Variants in GPATCH3 observed in about 807,000 individuals in gnomAD.
The protein encoded by GPATCH3 is G patch domain-containing protein 3.
Under a neutral mutation model 53.2 loss-of-function variants are expected in GPATCH3, and 45 were observed. That is an observed-to-expected ratio of 0.85 (90% CI 0.67 to 1.08). The LOEUF is 1.08. Ranked by LOEUF, GPATCH3 falls within the 50% of genes least tolerant of loss-of-function variation. The pLI is 0.00. For synonymous variants in GPATCH3, 280 were observed against 270.6 expected, an observed-to-expected ratio of 1.03 and a Z score of -0.34; for missense variants, 680 against 687.2, an observed-to-expected ratio of 0.99 and a Z score of 0.12.
Position 26,894,285 on chromosome 1 carries a change from A to G in GPATCH3, c.1002T>C (p.Ser334=). Residue 334 remains serine, a synonymous_variant, in exon 3 of 7, where the codon TCT becomes TCC. Transcript: ENST00000361720. The stretch of plus-strand genomic sequence containing the variant: ...GGGCATCAGTATAAAACACCAGGCC[A>G]GAGCCACCCTTCTCCCACTTGAGCT... ...EIELKWEKGG[S]GLVFYTDAQF... The G allele has an allele frequency of 6.2e-7, 1 of 1,614,138 alleles. No individual in the cohort carries two copies. The highest frequency in any genetic ancestry group is 1.1e-5 in the South Asian group (1 of 91,084).
chr1:26,894,168 G>T, intron 3 of GPATCH3, 68 bp downstream of exon 3: 1 of 1,508,658 alleles, frequency 6.6e-7, no homozygotes, highest in Non-Finnish European at 9.1e-7. Flanking sequence ...AATCTACCGT[G>T]TGGAACAGGG....
In GPATCH3 at chr1:26,892,411, C is replaced by T; in HGVS notation, c.1361G>A (p.Gly454Glu). The T allele has an allele frequency of 1.9e-6, 3 of 1,612,064 alleles. No individual in the cohort carries two copies. The highest frequency in any genetic ancestry group is 2.5e-6 in the Non-Finnish European group (3 of 1,179,048). ...AGGGAAGTCCCTCAGTCACACTTAC[C>T]CCAATCCACGCTTGCATCTGGGGTG... ...GQHPRCKRGL[G>E]YHGEKLQPFG... Residue 454 changes from glycine (G) to glutamate (E), a missense_variant and splice_region_variant, in exon 6 of 7, where the codon GGG becomes GAG. Physicochemically the swap from Gly to Glu is moderately conservative, Grantham distance 98. Transcript: ENST00000361720.
At chr1:26,893,353 G>A (rs2081936738) in intron 4 of GPATCH3, 36 bp downstream of exon 4, 1 of 1,540,578 alleles carries the variant, frequency 6.5e-7, no homozygotes. Flanking sequence ...CAGGGCACCT[G>A]TTTCACCTCC....
intron 4 of GPATCH3, 108 bp downstream of exon 4, chr1:26,893,281 G>T: frequency 1.1e-6 from 1 of 891,688 alleles, no homozygotes; most frequent in South Asian, 1.3e-5. Context: ...GCTACCCCAA[G>T]GGAACGGGAA....
At position 26,893,378 on chromosome 1, in the gene GPATCH3, T is replaced by A. The variant is rs2081936859; in HGVS notation, c.1111+11A>T. Reference sequence around the variant, plus strand: ...GTTTCACCTCCAGTATTGCCACTCCTTGCCCAGTACCTCTGTCATAGTACA... The same window carrying A: ...GTTTCACCTCCAGTATTGCCACTCCATGCCCAGTACCTCTGTCATAGTACA... On this transcript the variant is annotated intron_variant, in intron 4 of 6. Coordinates refer to ENST00000361720, the MANE Select transcript of GPATCH3 (RefSeq NM_022078.3). 1 of 1,609,618 alleles carries A rather than the reference T, an allele frequency of 6.2e-7. No homozygotes were observed. Among genetic ancestry groups the A allele is most frequent in the Non-Finnish European group, 8.5e-7 (1 of 1,175,900 alleles).
intron 6 of GPATCH3, among the ~76,000 whole-genome samples, chr1:26,891,843 G>A (rs1374536324): frequency 6.6e-6 from 1 of 152,164 alleles, no homozygotes. Flanking sequence ...GAGTAGCTGG[G>A]ATTACAGGCA....
rs994691370 is a variant in GPATCH3, at chr1:26,894,042, G to A, written c.1051+194C>T. Reference sequence around the variant, plus strand: ...ATTCAGAATTTGTTGGGGGCGGGGCGGGGGGCATTTTCTCTCCATCTCACT... The same window carrying A: ...ATTCAGAATTTGTTGGGGGCGGGGCAGGGGGCATTTTCTCTCCATCTCACT... On this transcript the variant is annotated intron_variant, in intron 3 of 6. Transcript: ENST00000361720. Among the ~76,000 whole-genome samples the A allele has an allele frequency of 4.0e-5, 6 of 151,896 alleles. No individual in the cohort carries two copies. In the East Asian group the frequency reaches 7.7e-4, roughly 20 times the overall value.
rs1396209347 is a variant in GPATCH3 at position 26,894,362 on chromosome 1, C to T, written c.925G>A (p.Asp309Asn). 1 of 1,614,156 alleles carries T rather than the reference C, an allele frequency of 6.2e-7. No individual in the cohort carries two copies. The highest frequency in any genetic ancestry group is 8.5e-7 in the Non-Finnish European group (1 of 1,180,034). ...EWERHEALHEDVTGQERTTEQ... is the reference protein window; with the variant it reads ...EWERHEALHENVTGQERTTEQ... ...GTGGTCCGCTCCTGCCCGGTCACGT[C>T]CTCATGCAGCGCTTCATGCCGTTCC... The change falls in exon 3 of 7, where the codon GAC (aspartate) becomes AAC (asparagine). Residue 309 changes from aspartate (D) to asparagine (N), a missense_variant. By Grantham distance (23) the Asp-to-Asn change is conservative. Transcript: ENST00000361720.
At position 26,894,323 on chromosome 1, in the gene GPATCH3, CAA is replaced by C. The variant is rs1249631909; in HGVS notation, c.962_963del (p.Phe321Ter). 2 of 1,614,166 alleles carry C rather than the reference CAA, an allele frequency of 1.2e-6. No individual in the cohort carries two copies. Among genetic ancestry groups the C allele is most frequent in the Non-Finnish European group, 1.7e-6 (2 of 1,180,032 alleles). ...TGQERTTEQL[F>X]EEEIELKWEK... ...TCCCACTTGAGCTCAATCTCCTCCT[CAA>C]AGAGCTGCTCAGTGGTCCGCTCCTG... On this transcript the variant is annotated frameshift_variant, in exon 3 of 7. Coordinates refer to ENST00000361720, the MANE Select transcript of GPATCH3 (RefSeq NM_022078.3). LOFTEE classifies it high-confidence loss of function.
At position 26,890,986 on chromosome 1, in the gene GPATCH3, T is replaced by C. The variant is rs2081921999; in HGVS notation, c.*24A>G. ...GGGCAGAGGGTTTTCATCATGTAGC[T>C]ATGAAAGGAAGCCCCCAACCCGGTC... On this transcript the variant is annotated 3_prime_UTR_variant, in exon 7 of 7. Transcript: ENST00000361720. 6.3e-7 allele frequency: 1 copy of C among 1,597,250 alleles called. No homozygotes were observed. Among genetic ancestry groups the C allele is most frequent in the Non-Finnish European group, 8.6e-7 (1 of 1,165,000 alleles).
At chr1:26,893,519 GT>G in intron 3 of GPATCH3, 71 bp from the exon 4 acceptor site, 6 of 546,024 alleles carry the variant, frequency 1.1e-5, no homozygotes, top group East Asian at 4.5e-5. Context: ...TAAACCTAGA[GT>G]TTTTTTGGCT....
chr1:26,890,841 G>C lies in GPATCH3; in HGVS notation c.*169C>G, dbSNP rs1159002353. Reference sequence around the variant, plus strand: ...GGGAGGGGACGGGAGGGGGCTTTTTGTAAAAATGCCCCTGAGGTATAGAAC... The same window carrying C: ...GGGAGGGGACGGGAGGGGGCTTTTTCTAAAAATGCCCCTGAGGTATAGAAC... On this transcript the variant is annotated 3_prime_UTR_variant, in exon 7 of 7. Transcript: ENST00000361720. The C allele has an allele frequency of 1.3e-6, 1 of 794,228 alleles. No individual in the cohort carries two copies. The highest frequency in any genetic ancestry group is 1.7e-5 in the African/African-American group (1 of 59,518). 49.2% of individuals were successfully genotyped at this position (794,228 alleles called of 1,614,324 possible).
intron 6 of GPATCH3, among the ~76,000 whole-genome samples, chr1:26,892,157 A>T (rs1471114471): frequency 6.6e-6 from 1 of 151,656 alleles, no homozygotes; most frequent in African/African-American, 2.4e-5. Context: ...TATTTTTCTA[A>T]CAGAGACAGT....
At chr1:26,891,463 A>T (rs183516300) in intron 6 of GPATCH3, among the ~76,000 whole-genome samples, 1 of 152,040 alleles carries the variant, frequency 6.6e-6, no homozygotes, top group African/African-American at 2.4e-5. Context: ...ATCAAGTCCA[A>T]ACTCCTCCAA....
rs372484136 is a variant in GPATCH3, at chr1:26,890,867, CGGCA to C, written c.*139_*142del. On this transcript the variant is annotated 3_prime_UTR_variant, in exon 7 of 7. Transcript: ENST00000361720. ...TAAAAATGCCCCTGAGGTATAGAAC[CGGCA>C]GGCAGGCAGGCTCGGAACAAAACAC... 7 of 849,272 alleles carry C rather than the reference CGGCA, an allele frequency of 8.2e-6. No homozygotes were observed. The highest frequency in any genetic ancestry group is 2.4e-5 in the East Asian group (1 of 41,486). The allele number at this position is 849,272 out of a possible 1,614,324, so 52.6% of individuals were successfully genotyped here. A position where few individuals can be genotyped will look rare whatever the true frequency, so the allele number is the denominator to read the frequency against.
chr1:26,897,645 G>C lies in GPATCH3; in HGVS notation c.532C>G (p.Leu178Val). Reference sequence around the variant, plus strand: ...GGGTTCAGCTCCGGCAGTTGCTTCAGGTCAGCCAGGGTGAAGGCTTCATTC... The same window carrying C: ...GGGTTCAGCTCCGGCAGTTGCTTCACGTCAGCCAGGGTGAAGGCTTCATTC... ...AENEAFTLADLKQLPELNPPV... is the reference protein window; with the variant it reads ...AENEAFTLADVKQLPELNPPV... Residue 178 changes from leucine to valine, a missense_variant, in exon 2 of 7, where the codon CTG becomes GTG. Coordinates refer to ENST00000361720, the MANE Select transcript of GPATCH3 (RefSeq NM_022078.3). 1 of 1,614,140 alleles carries C rather than the reference G, an allele frequency of 6.2e-7. No individual in the cohort carries two copies. The highest frequency in any genetic ancestry group is 2.2e-5 in the East Asian group (1 of 44,886).
Position 26,897,542 on chromosome 1 carries a change from G to C in GPATCH3, c.635C>G (p.Pro212Arg). ...CTGCAGCTGGGTGATGATCCGAGGGGGTAGGCGGCAGGCCCGGATCAACTC... is the reference window on the plus strand; with the variant it reads ...CTGCAGCTGGGTGATGATCCGAGGGCGTAGGCGGCAGGCCCGGATCAACTC... ...FLELIRACRLPPRIITQLQLQ... is the reference protein window; with the variant it reads ...FLELIRACRLRPRIITQLQLQ... The change falls in exon 2 of 7, where the codon CCC becomes CGC. Residue 212 changes from proline (P) to arginine (R), a missense_variant. By Grantham distance (103) the Pro-to-Arg change is moderately radical. Coordinates refer to ENST00000361720, the MANE Select transcript of GPATCH3 (RefSeq NM_022078.3). 1 of 1,614,214 alleles carries C rather than the reference G, an allele frequency of 6.2e-7. No individual in the cohort carries two copies. Among genetic ancestry groups the C allele is most frequent in the South Asian group, 1.1e-5 (1 of 91,088 alleles).
chr1:26,897,215 T>C, intron 2 of GPATCH3, 86 bp downstream of exon 2: 1 of 1,333,566 alleles, frequency 7.5e-7, no homozygotes, highest in Non-Finnish European at 1.0e-6. Flanking sequence ...TAAGAACCCT[T>C]GTAATAGACA....
chr1:26,898,203 G>T (rs1423576727), intron 1 of GPATCH3, among the ~76,000 whole-genome samples: 1 of 152,108 alleles, frequency 6.6e-6, no homozygotes, highest in Non-Finnish European at 1.5e-5. Flanking sequence ...AACTTCTCCA[G>T]GTCTTTTCAT....
Sources: gnomAD v4.1 joint callset for allele counts (sites outside exome capture counted in the v4.1 genomes callset) on GRCh38, gnomAD v4.1.1 for gene constraint, MANE v1.5 for transcripts, NCBI Gene and HGNC (gene_info 2026-07-23, HGNC 2026-07-21) for gene names.